Variants in MAP4K3 observed in about 807,000 individuals in gnomAD.
MAP4K3 encodes MAPK/ERK kinase kinase kinase 3.
In MAP4K3, 94 loss-of-function variants were observed where a neutral mutation model predicts 143.5. The observed-to-expected ratio is 0.65, with a 90% CI of 0.55 to 0.78. The LOEUF is 0.78. Ranked by LOEUF, MAP4K3 falls within the 30% of genes least tolerant of loss-of-function variation. MAP4K3 has a pLI of 0.00. For missense variants in MAP4K3, 1,077 were observed against 1,068.1 expected, an observed-to-expected ratio of 1.01 and a Z score of -0.12; for synonymous variants, 416 against 347.2, an observed-to-expected ratio of 1.20 and a Z score of -2.20.
rs1397372393 is a variant in MAP4K3 at position 39,249,714 on chromosome 2, A to T, written c.*904T>A. ...TACAGTTCTTCAGTGTGATCATATG[A>T]AATGTTTAGTGAGGACTCTTTAATA... On this transcript the variant is annotated 3_prime_UTR_variant, in exon 34 of 34. Transcript: ENST00000263881. 1.3e-5 allele frequency: 2 copies of T among 152,630 alleles called. No individual in the cohort carries two copies. The highest frequency in any genetic ancestry group is 2.9e-5 in the Non-Finnish European group (2 of 68,014). 9.5% of individuals were successfully genotyped at this position (152,630 alleles called of 1,614,324 possible). A position where few individuals can be genotyped will look rare whatever the true frequency, so the allele number is the denominator to read the frequency against.
intron 1 of MAP4K3, among the ~76,000 whole-genome samples, chr2:39,408,992 C>G (rs937256139): frequency 6.6e-6 from 1 of 152,160 alleles, no homozygotes; most frequent in African/African-American, 2.4e-5. Context: ...AAAAGCCAGA[C>G]AGAAATTACA....
At chr2:39,358,718 G>C (rs777242799) in intron 2 of MAP4K3, among the ~76,000 whole-genome samples, 1 of 152,150 alleles carries the variant, frequency 6.6e-6, no homozygotes, top group Non-Finnish European at 1.5e-5. Flanking sequence ...AAAAAGTAGA[G>C]TTTAATACAT....
At chr2:39,299,068 A>T (rs902950571) in intron 16 of MAP4K3, among the ~76,000 whole-genome samples, 3 of 152,238 alleles carry the variant, frequency 2.0e-5, no homozygotes, top group Admixed American at 2.0e-4. Flanking sequence ...CTTATAAATT[A>T]GTTTTTATCA....
chr2:39,254,854 A>T (rs1368427498), intron 31 of MAP4K3, among the ~76,000 whole-genome samples: 1 of 152,194 alleles, frequency 6.6e-6, no homozygotes, highest in Admixed American at 6.5e-5. Context: ...TGCCAGGGTT[A>T]AAGCCATGAG....
In MAP4K3 at chr2:39,336,977, C is replaced by CA. The variant is rs758344441; in HGVS notation, c.367-11dup. 37 of 1,324,026 alleles carry CA rather than the reference C, an allele frequency of 2.8e-5. No homozygotes were observed. Among genetic ancestry groups the CA allele is most frequent in the Non-Finnish European group, 3.6e-5 (34 of 946,984 alleles). 82.0% of individuals were successfully genotyped at this position (1,324,026 alleles called of 1,614,324 possible). A position where few individuals can be genotyped will look rare whatever the true frequency, so the allele number is the denominator to read the frequency against. ...GAAGATAATATAATCCCTGGAGTTT[C>CA]AAAAAACAGAAAAATAAACAAGATT... On this transcript the variant is annotated splice_polypyrimidine_tract_variant and intron_variant, in intron 5 of 33. Coordinates refer to ENST00000263881, the MANE Select transcript of MAP4K3 (RefSeq NM_003618.4).
chr2:39,293,156 A>G (rs1682122380), intron 17 of MAP4K3, 74 bp downstream of exon 17: 22 of 1,055,250 alleles, frequency 2.1e-5, no homozygotes, highest in Middle Eastern at 2.0e-4. Context: ...AATAGGCTAC[A>G]TAACAGAGAA....
At chr2:39,278,791 AC>A (rs1681385048) in intron 23 of MAP4K3, among the ~76,000 whole-genome samples, 1 of 152,044 alleles carries the variant, frequency 6.6e-6, no homozygotes, top group Middle Eastern at 3.2e-3. Flanking sequence ...TTTTTCTAAA[AC>A]CCCCTAAAGA....
intron 24 of MAP4K3, among the ~76,000 whole-genome samples, chr2:39,276,920 A>C (rs887853486): frequency 6.6e-6 from 1 of 152,232 alleles, no homozygotes; most frequent in African/African-American, 2.4e-5. Flanking sequence ...CCTAAAACTG[A>C]TGGTGTAATG....
In MAP4K3 at chr2:39,260,622, T is replaced by C. The variant is rs746525175; in HGVS notation, c.2292A>G (p.Ser764=). Residue 764 remains serine (S), a synonymous_variant, in exon 29 of 34, where the codon TCA becomes TCG. Transcript: ENST00000263881. ...ATTACAAACCTGATTCTGTAAACCA[T>C]GAAGAGGTAGAATTTGGATTGACCG... ...FETVNPNSTS[S]WFTESDTPQT... The C allele has an allele frequency of 2.5e-6, 4 of 1,614,042 alleles. No homozygotes were observed. Among genetic ancestry groups the C allele is most frequent in the East Asian group, 4.5e-5 (2 of 44,858 alleles).
chr2:39,301,795 C>T lies in MAP4K3; in HGVS notation c.1120-1994G>A, dbSNP rs148535793. Among the ~76,000 whole-genome samples the T allele has an allele frequency of 1.7e-4, 26 of 152,208 alleles. No individual in the cohort carries two copies. The East Asian group carries it at 4.1e-3, about 24-fold the overall frequency. On this transcript the variant is annotated intron_variant, in intron 15 of 33. Transcript: ENST00000263881. ...TCCCAGCACTTCGGGAGGGCCGAGG[C>T]GGGCGGATCATGAGGTCAGGAGGTC...
intron 6 of MAP4K3, among the ~76,000 whole-genome samples, 198 bp from the exon 7 acceptor site, chr2:39,333,772 A>G (rs1355359524): frequency 3.3e-5 from 5 of 152,158 alleles, no homozygotes; most frequent in Non-Finnish European, 7.4e-5. Flanking sequence ...CTATCTTTAT[A>G]AAATGTTCTG....
intron 1 of MAP4K3, among the ~76,000 whole-genome samples, chr2:39,418,591 A>AGGTGATCAAAGTTAACATTGCC (rs1018716071): frequency 1.9e-4 from 29 of 152,210 alleles, no homozygotes; most frequent in Non-Finnish European, 3.5e-4. Flanking sequence ...CTAAAAAGCC[A>AGGTGATCAAAGTTAACATTGCC]GGTGATCAAA....
intron 26 of MAP4K3, 111 bp from the exon 27 acceptor site, chr2:39,267,358 T>C: frequency 2.6e-6 from 2 of 776,728 alleles, no homozygotes; most frequent in Non-Finnish European, 2.2e-6. Flanking sequence ...GGTGCTGACA[T>C]ACTAGCTCAT....
At chr2:39,273,895 A>G (rs1197774869) in intron 24 of MAP4K3, among the ~76,000 whole-genome samples, 1 of 152,214 alleles carries the variant, frequency 6.6e-6, no homozygotes, top group African/African-American at 2.4e-5. Context: ...AAAATCAGGT[A>G]GAGAAGGGGC....
chr2:39,434,224 C>CA (rs1396601745), intron 1 of MAP4K3, among the ~76,000 whole-genome samples: 1 of 152,074 alleles, frequency 6.6e-6, no homozygotes, highest in Admixed American at 6.5e-5. Flanking sequence ...CTTTTGAAAA[C>CA]AAAATGTACT....
intron 24 of MAP4K3, among the ~76,000 whole-genome samples, chr2:39,276,017 T>A (rs751541199): frequency 6.6e-6 from 1 of 152,058 alleles, no homozygotes; most frequent in Non-Finnish European, 1.5e-5. Flanking sequence ...GGACTACAGC[T>A]GCACATGACC....
chr2:39,406,880 A>G (rs1245405976), intron 1 of MAP4K3, among the ~76,000 whole-genome samples: 1 of 152,188 alleles, frequency 6.6e-6, no homozygotes, highest in Admixed American at 6.5e-5. Flanking sequence ...AAAAACTAAA[A>G]GAAAAGAATA....
chr2:39,272,597 A>C (rs1256779411), intron 24 of MAP4K3, 55 bp from the exon 25 acceptor site: 1 of 1,383,414 alleles, frequency 7.2e-7, no homozygotes, highest in Non-Finnish European at 1.0e-6. Context: ...GGCAATGTAA[A>C]TCTGTACACA....
chr2:39,389,538 G>A (rs1666597219), intron 1 of MAP4K3, among the ~76,000 whole-genome samples: 1 of 152,036 alleles, frequency 6.6e-6, no homozygotes, highest in Admixed American at 6.5e-5. Context: ...ATCTTTAAAA[G>A]CACTCAGAGA....
Sources: allele counts gnomAD v4.1 joint callset (sites outside exome capture counted in the v4.1 genomes callset), GRCh38; gene constraint gnomAD v4.1.1; transcripts MANE v1.5; gene names NCBI Gene and HGNC (gene_info 2026-07-23, HGNC 2026-07-21).